Variants in ZNF232 observed in about 807,000 individuals in gnomAD.
ZNF232 encodes zinc finger protein 232, also known as zinc finger and SCAN domain-containing protein 11.
ZNF232 carries 25 observed loss-of-function variants against 25.2 expected under a neutral mutation model. The ratio of observed to expected loss-of-function variants is 0.99; its 90% CI spans 0.72 to 1.39. The LOEUF is 1.39. Among genes scored for constraint, ZNF232 ranks in the 40% most tolerant of loss-of-function variants. ZNF232 has a pLI of 0.00. For synonymous variants in ZNF232, 193 were observed against 182.9 expected, an observed-to-expected ratio of 1.06 and a Z score of -0.45; for missense variants, 519 against 520.9, an observed-to-expected ratio of 1.00 and a Z score of 0.04.
chr17:5,109,941 G>A (rs2072359636), intron 1 of ZNF232, 73 bp from the exon 2 acceptor site: 1 of 1,416,936 alleles, frequency 7.1e-7, no homozygotes, highest in African/African-American at 1.4e-5. Context: ...CCAGGCTGGA[G>A]TGCAGTGACA....
upstream of ZNF232, chr17:5,111,867 G>A (rs199536293): frequency 1.3e-3 from 2,022 of 1,612,098 alleles, 2 homozygotes; most frequent in Non-Finnish European, 1.5e-3. Context: ...CTCACCCCAG[G>A]GGCAGGTTTG....
At chr17:5,108,434 A>G (rs1025733306) in intron 3 of ZNF232, among the ~76,000 whole-genome samples, 2 of 152,060 alleles carry the variant, frequency 1.3e-5, no homozygotes, top group African/African-American at 4.8e-5. Flanking sequence ...TTACATGAGG[A>G]AGAGGTGGTA....
At chr17:5,106,907 G>A (rs920147468) in intron 3 of ZNF232, among the ~76,000 whole-genome samples, 8 of 151,980 alleles carry the variant, frequency 5.3e-5, no homozygotes, top group Non-Finnish European at 1.0e-4. Flanking sequence ...GGTTTCTAAA[G>A]GCAAAAAAAA....
At chr17:5,110,621 T>C (rs2072380279) in intron 1 of ZNF232, among the ~76,000 whole-genome samples, 1 of 152,214 alleles carries the variant, frequency 6.6e-6, no homozygotes, top group East Asian at 1.9e-4. Flanking sequence ...AAAAGAAAAA[T>C]ATAAGTCCCC....
upstream of ZNF232, chr17:5,114,738 G>C (rs1439598781): frequency 6.6e-6 from 1 of 152,386 alleles, no homozygotes; most frequent in Non-Finnish European, 1.5e-5. Flanking sequence ...GCTGGGGCTG[G>C]AGAATTACTT....
chr17:5,115,169 T>C (rs1419257170), upstream of ZNF232, among the ~76,000 whole-genome samples: 2 of 140,072 alleles, frequency 1.4e-5, no homozygotes, highest in Non-Finnish European at 1.5e-5. Flanking sequence ...TTTTATTTGC[T>C]AGAGGCATCT....
chr17:5,111,487 C>T (rs1253536121), intron 1 of ZNF232: 2 of 475,110 alleles, frequency 4.2e-6, no homozygotes, highest in Non-Finnish European at 3.7e-6. Flanking sequence ...TTCTCTACCC[C>T]GGCCTCGGGC....
intron 1 of ZNF232, among the ~76,000 whole-genome samples, chr17:5,110,316 T>C (rs1029174742): frequency 2.0e-5 from 3 of 152,162 alleles, no homozygotes; most frequent in African/African-American, 7.2e-5. Context: ...CTGCACTAAG[T>C]CAATGTTTTT....
upstream of ZNF232, chr17:5,116,525 G>C (rs942182732): frequency 2.0e-5 from 3 of 152,358 alleles, no homozygotes; most frequent in Non-Finnish European, 4.4e-5. Flanking sequence ...TCCGGGAAGA[G>C]CTCAGCCTAG....
chr17:5,108,761 T>C, intron 3 of ZNF232, 165 bp downstream of exon 3: 1 of 1,092,374 alleles, frequency 9.2e-7, no homozygotes, highest in Non-Finnish European at 1.3e-6. Flanking sequence ...ATTTTATGAG[T>C]GATGAAACAG....
intron 1 of ZNF232, among the ~76,000 whole-genome samples, chr17:5,119,398 T>C (rs148016129): frequency 4.3e-4 from 65 of 152,382 alleles, no homozygotes; most frequent in Admixed American, 7.8e-4. Flanking sequence ...TTTTATTTCA[T>C]GAATTACCTG....
chr17:5,121,651 A>G, intron 1 of ZNF232: 1 of 160,000 alleles, frequency 6.3e-6, no homozygotes, highest in Non-Finnish European at 1.4e-5. Flanking sequence ...TGCGACGCGG[A>G]GCACCAGGAC....
intron 1 of ZNF232, among the ~76,000 whole-genome samples, chr17:5,122,413 G>A (rs2143732781): frequency 6.6e-6 from 1 of 152,298 alleles, no homozygotes; most frequent in South Asian, 2.1e-4. Flanking sequence ...CCTTCAGCTG[G>A]CAGTATCCTG....
chr17:5,120,080 G>A (rs746690669), intron 1 of ZNF232, among the ~76,000 whole-genome samples: 2 of 152,184 alleles, frequency 1.3e-5, no homozygotes, highest in South Asian at 2.1e-4. Context: ...CTTCTCAGCC[G>A]AGTTCTGTGC....
intron 1 of ZNF232, among the ~76,000 whole-genome samples, chr17:5,119,146 C>T (rs969454874): frequency 2.0e-5 from 3 of 151,530 alleles, no homozygotes; most frequent in Middle Eastern, 3.4e-3. Flanking sequence ...ACTCCAATCA[C>T]CCCTCTTCCT....
chr17:5,119,957 C>T (rs2072615339), intron 1 of ZNF232, among the ~76,000 whole-genome samples: 1 of 152,166 alleles, frequency 6.6e-6, no homozygotes. Context: ...TCTCCTGCCT[C>T]TCCTTTCCAG....
upstream of ZNF232, chr17:5,112,251 T>C (rs2072434760): frequency 4.6e-6 from 1 of 217,612 alleles, no homozygotes; most frequent in African/African-American, 2.3e-5. Context: ...ATGAGTTCTA[T>C]TTTCCAATTA....
chr17:5,116,211 C>G (rs62076287), upstream of ZNF232, among the ~76,000 whole-genome samples: 30,745 of 146,638 alleles, frequency 0.21, 3,350 homozygotes, highest in African/African-American at 0.27. Flanking sequence ...GGGCAGCGCT[C>G]GAGACGCTCA....
chr17:5,106,424 G>A lies in ZNF232; in HGVS notation c.708C>T (p.Phe236=), dbSNP rs901965515. 3 of 1,614,086 alleles carry A rather than the reference G, an allele frequency of 1.9e-6. No homozygotes were observed. The African/African-American group carries it at 4.0e-5, about 22-fold the overall frequency. ...AGGTGTCAGTAGCAAGTTTTTCTGAGAACACCTGTGATTCCACTTCAGTAA... is the reference window on the plus strand; with the variant it reads ...AGGTGTCAGTAGCAAGTTTTTCTGAAAACACCTGTGATTCCACTTCAGTAA... Residue 236 remains phenylalanine, a synonymous_variant, in exon 4 of 4, where the codon TTC becomes TTT. Transcript: ENST00000575898.
Sources: gnomAD v4.1 joint callset for allele counts (sites outside exome capture counted in the v4.1 genomes callset) on GRCh38, gnomAD v4.1.1 for gene constraint, MANE v1.5 for transcripts, NCBI Gene and HGNC (gene_info 2026-07-23, HGNC 2026-07-21) for gene names.